Variants in TXNDC16 observed in about 807,000 individuals in gnomAD.
The protein encoded by TXNDC16 is thioredoxin domain containing 16, also known as thioredoxin domain-containing protein 16.
Under a neutral mutation model 85.6 loss-of-function variants are expected in TXNDC16, and 74 were observed. The observed-to-expected ratio is 0.86, with a 90% CI of 0.72 to 1.05. The LOEUF (loss-of-function observed/expected upper bound fraction) is 1.05. Among genes scored for constraint, TXNDC16 ranks in the 50% least tolerant of loss-of-function variants. The probability of loss-of-function intolerance (pLI) is 0.00; values close to 1 mark genes in which losing one functional copy is unlikely to be tolerated. For synonymous variants in TXNDC16, 335 were observed against 326.5 expected (o/e 1.03, Z -0.28); for missense variants, 959 against 947.0 (o/e 1.01, Z -0.17).
intron 6 of TXNDC16, among the ~76,000 whole-genome samples, chr14:52,531,117 A>G (rs1209878092): frequency 6.6e-6 from 1 of 152,152 alleles, no homozygotes; most frequent in African/African-American, 2.4e-5. Flanking sequence ...AATTAAAACA[A>G]CAAAGAGATA....
At chr14:52,528,846 T>A (rs1284301776) in intron 6 of TXNDC16, among the ~76,000 whole-genome samples, 2 of 146,294 alleles carry the variant, frequency 1.4e-5, no homozygotes, top group Non-Finnish European at 3.0e-5. Flanking sequence ...TATATATATA[T>A]GTGTGTGTGT....
rs140994602 is a variant in TXNDC16, at chr14:52,434,462, C to T, written c.2195-1875G>A. On this transcript the variant is annotated intron_variant, in intron 20 of 20. Transcript: ENST00000281741. ...ATAATACTAATTAACATTTATTGAGCCTTTACTATACACATGCACTATTCA... is the reference window on the plus strand; with the variant it reads ...ATAATACTAATTAACATTTATTGAGTCTTTACTATACACATGCACTATTCA... Among the ~76,000 whole-genome samples the T allele has an allele frequency of 2.2e-3, 338 of 152,182 alleles. 2 individuals carry two copies. Among genetic ancestry groups the T allele is most frequent in the African/African-American group, 7.9e-3 (327 of 41,520 alleles).
chr14:52,490,376 C>A lies in TXNDC16; in HGVS notation c.984+15G>T. On this transcript the variant is annotated intron_variant, in intron 11 of 20. Transcript: ENST00000281741. ...AATAAACAGATATTGTAGAACAATACATAAAACAACTAACCTCTTCTGCTC... is the reference window on the plus strand; with the variant it reads ...AATAAACAGATATTGTAGAACAATAAATAAAACAACTAACCTCTTCTGCTC... 6.4e-7 allele frequency: 1 copy of A among 1,570,632 alleles called. No individual in the cohort carries two copies. The highest frequency in any genetic ancestry group is 8.6e-7 in the Non-Finnish European group (1 of 1,159,224).
intron 9 of TXNDC16, among the ~76,000 whole-genome samples, chr14:52,503,194 T>G (rs2036703754): frequency 6.6e-6 from 1 of 152,188 alleles, no homozygotes; most frequent in South Asian, 2.1e-4. Context: ...CTCTGCAGAC[T>G]TAAATGTCCC....
At chr14:52,530,051 A>G (rs189938571) in intron 6 of TXNDC16, among the ~76,000 whole-genome samples, 8,289 of 89,968 alleles carry the variant, frequency 0.092, 370 homozygotes, top group East Asian at 0.16. Context: ...TAATTTATTT[A>G]TACATTATAT....
intron 6 of TXNDC16, among the ~76,000 whole-genome samples, chr14:52,534,826 C>A (rs1194386041): frequency 6.6e-6 from 1 of 152,192 alleles, no homozygotes; most frequent in Non-Finnish European, 1.5e-5. Flanking sequence ...CAATGTCTAA[C>A]AAGTGTCTGG....
chr14:52,471,809 A>C (rs73304892), intron 14 of TXNDC16, among the ~76,000 whole-genome samples: 1,593 of 152,036 alleles, frequency 0.01, 19 homozygotes, highest in African/African-American at 0.036. Flanking sequence ...CTCAAGCAGA[A>C]ATTCCTACTT....
intron 6 of TXNDC16, among the ~76,000 whole-genome samples, chr14:52,530,517 T>TATATA (rs2037530725): frequency 4.9e-5 from 1 of 20,568 alleles, no homozygotes; most frequent in African/African-American, 1.3e-4. Context: ...TATATTATTA[T>TATATA]ATAATATTAT....
At chr14:52,508,911 G>C (rs912850251) in intron 9 of TXNDC16, among the ~76,000 whole-genome samples, 2 of 152,134 alleles carry the variant, frequency 1.3e-5, no homozygotes, top group Non-Finnish European at 2.9e-5. Context: ...GTTGTGGGGT[G>C]GGGGCAGCGG....
Position 52,537,643 on chromosome 14 carries a change from T to A in TXNDC16, c.273A>T (p.Arg91Ser). The A allele has an allele frequency of 6.3e-7, 1 of 1,589,600 alleles. No homozygotes were observed. The highest frequency in any genetic ancestry group is 8.6e-7 in the Non-Finnish European group (1 of 1,159,926). The change falls in exon 5 of 21, where the codon AGA becomes AGT. Residue 91 changes from arginine (R) to serine (S), a missense_variant. Physicochemically the swap from Arg to Ser is moderately radical, Grantham distance 110 (BLOSUM62 -1). Transcript: ENST00000281741. Reference protein sequence around the residue: ...KVNCVKEEISRYCGKEKDLMK... With the variant: ...KVNCVKEEISSYCGKEKDLMK... The stretch of plus-strand genomic sequence containing the variant: ...TCAAATCCTTTTCTTTTCCACAGTA[T>A]CTTGATATTTCTTCTTTGACACAAT...
intron 6 of TXNDC16, among the ~76,000 whole-genome samples, chr14:52,536,041 C>G (rs1350069089): frequency 6.9e-6 from 1 of 145,432 alleles, no homozygotes; most frequent in Non-Finnish European, 1.5e-5. Flanking sequence ...AAAACAAAAA[C>G]AAAAAAAAAA....
At chr14:52,466,069 T>A (rs897782435) in intron 16 of TXNDC16, among the ~76,000 whole-genome samples, 1 of 152,000 alleles carries the variant, frequency 6.6e-6, no homozygotes, top group Admixed American at 6.5e-5. Context: ...GTTGGAAAAG[T>A]GAATGAAGGA....
At chr14:52,551,768 C>G (rs1045447467) in intron 1 of TXNDC16, among the ~76,000 whole-genome samples, 7 of 147,386 alleles carry the variant, frequency 4.7e-5, no homozygotes, top group African/African-American at 1.8e-4. Flanking sequence ...CTCTCAGGCC[C>G]AGGAATAGCG....
chr14:52,447,565 A>G (rs2035313652), intron 18 of TXNDC16, among the ~76,000 whole-genome samples: 1 of 152,156 alleles, frequency 6.6e-6, no homozygotes, highest in Non-Finnish European at 1.5e-5. Flanking sequence ...GTGGCTCAGA[A>G]CAGAGAGACG....
intron 6 of TXNDC16, among the ~76,000 whole-genome samples, chr14:52,535,542 A>G (rs2037680044): frequency 6.6e-6 from 1 of 152,176 alleles, no homozygotes; most frequent in Non-Finnish European, 1.5e-5. Context: ...CAATGTCAGC[A>G]AAGGTCTTAG....
chr14:52,541,725 G>C (rs757163120), intron 4 of TXNDC16, among the ~76,000 whole-genome samples: 8 of 152,068 alleles, frequency 5.3e-5, no homozygotes, highest in Non-Finnish European at 1.2e-4. Flanking sequence ...GTATCACTGG[G>C]TTACCCCTCA....
At chr14:52,541,248 A>C (rs1046046895) in intron 4 of TXNDC16, among the ~76,000 whole-genome samples, 2 of 151,832 alleles carry the variant, frequency 1.3e-5, no homozygotes, top group African/African-American at 2.4e-5. Context: ...AAAAAAAAAA[A>C]ATCAGGAGTT....
At chr14:52,510,048 T>A (rs1283621110) in intron 9 of TXNDC16, among the ~76,000 whole-genome samples, 1 of 150,874 alleles carries the variant, frequency 6.6e-6, no homozygotes, top group African/African-American at 2.4e-5. Flanking sequence ...AAGCTCTGAA[T>A]CTATTTAAGT....
intron 8 of TXNDC16, among the ~76,000 whole-genome samples, chr14:52,512,154 C>T (rs928223832): frequency 2.0e-5 from 3 of 152,104 alleles, no homozygotes; most frequent in Admixed American, 2.0e-4. Context: ...CAAGTAATTT[C>T]TAATCAATTC....
Sources: allele counts gnomAD v4.1 joint callset (sites outside exome capture counted in the v4.1 genomes callset), GRCh38; gene constraint gnomAD v4.1.1; transcripts MANE v1.5; gene names NCBI Gene and HGNC (gene_info 2026-07-23, HGNC 2026-07-21).